EHHADH: variants seen among roughly 807,000 people sequenced by gnomAD.
The protein encoded by EHHADH is peroxisomal bifunctional enzyme.
In EHHADH, 48 loss-of-function variants were observed where a neutral mutation model predicts 64.4. The observed-to-expected ratio is 0.75, with a 90% CI of 0.59 to 0.95. EHHADH has a LOEUF of 0.95. Ranked by LOEUF, EHHADH falls within the 40% of genes least tolerant of loss-of-function variation. The pLI is 0.00. For missense variants in EHHADH, 854 were observed against 876.6 expected (o/e 0.97, Z 0.33); for synonymous variants, 308 against 326.7 (o/e 0.94, Z 0.62).
At chr3:185,226,585 G>A (rs1215698508) in intron 4 of EHHADH, among the ~76,000 whole-genome samples, 1 of 149,816 alleles carries the variant, frequency 6.7e-6, no homozygotes, top group Non-Finnish European at 1.5e-5. Context: ...GGAGATGGAA[G>A]TTACAGTGAG....
chr3:185,214,595 C>T (rs186375901), intron 5 of EHHADH, among the ~76,000 whole-genome samples: 2 of 152,304 alleles, frequency 1.3e-5, no homozygotes, highest in Non-Finnish European at 2.9e-5. Context: ...ACAACCACTA[C>T]TGAAAATTTG....
chr3:185,220,619 A>G (rs1718808269), intron 4 of EHHADH, among the ~76,000 whole-genome samples: 1 of 152,244 alleles, frequency 6.6e-6, no homozygotes, highest in African/African-American at 2.4e-5. Context: ...TTTATCCTGT[A>G]TCAAAGAACT....
intron 6 of EHHADH, among the ~76,000 whole-genome samples, chr3:185,202,365 C>T (rs925260731): frequency 6.0e-5 from 9 of 150,264 alleles, no homozygotes; most frequent in South Asian, 2.1e-4. Flanking sequence ...AAATCCCAAG[C>T]GAATCAAGGG....
At chr3:185,219,470 A>C (rs1010414945) in intron 4 of EHHADH, among the ~76,000 whole-genome samples, 2 of 152,214 alleles carry the variant, frequency 1.3e-5, no homozygotes, top group Non-Finnish European at 2.9e-5. Context: ...CTTAGCATCC[A>C]ATCATGCCAT....
At chr3:185,237,777 C>T (rs577827397) in intron 2 of EHHADH, among the ~76,000 whole-genome samples, 29 of 152,136 alleles carry the variant, frequency 1.9e-4, no homozygotes, top group Middle Eastern at 3.4e-3. Context: ...TTTATAGATT[C>T]GGGGGGTACA....
rs78790730 is a variant in EHHADH, at chr3:185,248,471, T to C, written c.121A>G (p.Ile41Val). The C allele has an allele frequency of 7.0e-4, 1,133 of 1,614,072 alleles. 6 individuals are homozygous for C. The African/African-American group carries it at 0.014, about 19-fold the overall frequency. Residue 41 changes from isoleucine (I) to valine (V), a missense_variant, in exon 2 of 7, where the codon ATA (isoleucine) becomes GTA (valine). Ile to Val is a conservative substitution (Grantham distance 29). Coordinates refer to ENST00000231887, the MANE Select transcript of EHHADH (RefSeq NM_001966.4). The part of the protein sequence containing the change: ...DIKEGLQKAV[I>V]DHTIKAIVIC... ...ACAATGGCTTTTATTGTATGGTCTA[T>C]TACAGCTTTCTGTAGTCCTTCTTTT... is the stretch of plus-strand genomic sequence containing the variant.
intron 6 of EHHADH, among the ~76,000 whole-genome samples, chr3:185,200,274 G>A (rs894767900): frequency 1.3e-5 from 2 of 152,052 alleles, no homozygotes; most frequent in Non-Finnish European, 1.5e-5. Flanking sequence ...AAGATAGGAT[G>A]TATCAGTCAT....
At chr3:185,200,877 A>T (rs7614398) in intron 6 of EHHADH, among the ~76,000 whole-genome samples, 10,050 of 152,166 alleles carry the variant, frequency 0.066, 1,095 homozygotes, top group African/African-American at 0.22. Context: ...ACAAGCCAAA[A>T]ATTGAGATCA....
intron 1 of EHHADH, among the ~76,000 whole-genome samples, chr3:185,249,222 G>A (rs1034842818): frequency 3.3e-5 from 5 of 151,946 alleles, no homozygotes; most frequent in African/African-American, 7.3e-5. Flanking sequence ...TCTGCCTCCC[G>A]GGTTCACGCC....
chr3:185,224,193 C>T (rs1560015447), intron 4 of EHHADH, among the ~76,000 whole-genome samples: 2 of 151,898 alleles, frequency 1.3e-5, no homozygotes, highest in South Asian at 2.1e-4. Context: ...TCTTTAACAC[C>T]CTTTCTTAGA....
At chr3:185,199,636 C>T (rs958835800) in intron 6 of EHHADH, among the ~76,000 whole-genome samples, 11 of 152,290 alleles carry the variant, frequency 7.2e-5, no homozygotes, top group African/African-American at 2.6e-4. Flanking sequence ...TTTTGTGGCA[C>T]ATGAAAAATT....
chr3:185,193,681 TCA>T (rs1383378577), intron 6 of EHHADH, among the ~76,000 whole-genome samples, 194 bp from the exon 7 acceptor site: 1 of 152,042 alleles, frequency 6.6e-6, no homozygotes, highest in Non-Finnish European at 1.5e-5. Flanking sequence ...TTAGTCAGAT[TCA>T]CACACACAAA....
At chr3:185,241,461 C>A (rs1560021186) in intron 2 of EHHADH, among the ~76,000 whole-genome samples, 1 of 152,170 alleles carries the variant, frequency 6.6e-6, no homozygotes, top group Non-Finnish European at 1.5e-5. Flanking sequence ...ACATCAACAT[C>A]TACTGTTTTT....
Position 185,193,336 on chromosome 3 carries a change from G to T in EHHADH, c.1062C>A (p.Ser354Arg), listed in dbSNP as rs369342065. The T allele has an allele frequency of 1.2e-5, 19 of 1,613,742 alleles. No individual in the cohort carries two copies. The highest frequency in any genetic ancestry group is 1.6e-5 in the Non-Finnish European group (19 of 1,179,884). ...GTTTTGGTCCTGACCAAGGGTGGCCGCTCTGTTGCATTTTGGAGGCTTCTT... is the reference window on the plus strand; with the variant it reads ...GTTTTGGTCCTGACCAAGGGTGGCCTCTCTGTTGCATTTTGGAGGCTTCTT... ...LEKEASKMQQSGHPWSGPKPR... is the reference protein window; with the variant it reads ...LEKEASKMQQRGHPWSGPKPR... The change falls in exon 7 of 7, where the codon AGC becomes AGA. Residue 354 changes from serine to arginine, a missense_variant. Transcript: ENST00000231887.
chr3:185,211,299 G>T (rs751943791), intron 5 of EHHADH, among the ~76,000 whole-genome samples: 2 of 152,174 alleles, frequency 1.3e-5, no homozygotes, highest in Non-Finnish European at 2.9e-5. Context: ...GGGGAGGAAA[G>T]GAAGTAATCA....
At chr3:185,214,649 A>G (rs1002749442) in intron 5 of EHHADH, among the ~76,000 whole-genome samples, 1 of 152,182 alleles carries the variant, frequency 6.6e-6, no homozygotes, top group African/African-American at 2.4e-5. Flanking sequence ...TACATATAAG[A>G]ACACACGCAC....
At chr3:185,238,785 G>A (rs1398120550) in intron 2 of EHHADH, among the ~76,000 whole-genome samples, 1 of 152,126 alleles carries the variant, frequency 6.6e-6, no homozygotes, top group Non-Finnish European at 1.5e-5. Flanking sequence ...TTGCTGTGCA[G>A]AAGCTCTTAA....
intron 1 of EHHADH, 106 bp downstream of exon 1, chr3:185,253,843 A>C: frequency 6.6e-7 from 1 of 1,513,372 alleles, no homozygotes; most frequent in Admixed American, 2.1e-5. Flanking sequence ...TCAACTCTTG[A>C]GTGTCCTTCT....
intron 3 of EHHADH, among the ~76,000 whole-genome samples, chr3:185,230,199 G>A (rs1470732918): frequency 1.3e-5 from 2 of 152,160 alleles, no homozygotes; most frequent in Middle Eastern, 3.2e-3. Flanking sequence ...GGAGAATACA[G>A]AATCCTCATA....
Sources: gnomAD v4.1 joint callset for allele counts (sites outside exome capture counted in the v4.1 genomes callset) on GRCh38, gnomAD v4.1.1 for gene constraint, MANE v1.5 for transcripts, NCBI Gene and HGNC (gene_info 2026-07-23, HGNC 2026-07-21) for gene names.